The following TAFA1 variants were observed in gnomAD, a reference collection of about 807,000 sequenced individuals.
The protein encoded by TAFA1 is TAFA chemokine like family member 1.
A neutral mutation model predicts 18.5 loss-of-function variants in TAFA1; 4 were observed. The ratio of observed to expected loss-of-function variants is 0.22; its 90% CI spans 0.11 to 0.49. TAFA1 has a LOEUF of 0.49. TAFA1 is among the 20% of genes least tolerant of loss of function. The pLI is 0.98. For synonymous variants in TAFA1, 56 were observed against 55.2 expected, an observed-to-expected ratio of 1.01 and a Z score of -0.06; for missense variants, 147 against 169.0, an observed-to-expected ratio of 0.87 and a Z score of 0.72.
chr3:68,266,770 G>A (rs1004861959), intron 2 of TAFA1, among the ~76,000 whole-genome samples: 3 of 152,128 alleles, frequency 2.0e-5, no homozygotes, highest in African/African-American at 4.8e-5. Flanking sequence ...GGCAGCTCTG[G>A]CTCAGCAGTT....
intron 2 of TAFA1, among the ~76,000 whole-genome samples, chr3:68,232,280 T>A (rs2066881236): frequency 6.6e-6 from 1 of 152,164 alleles, no homozygotes; most frequent in South Asian, 2.1e-4. Flanking sequence ...TATGCTCAAC[T>A]TTTTTAGCTC....
chr3:68,471,478 G>A (rs999571120), intron 3 of TAFA1, among the ~76,000 whole-genome samples: 2 of 152,190 alleles, frequency 1.3e-5, no homozygotes, highest in South Asian at 2.1e-4. Flanking sequence ...AAACCAGAGG[G>A]GTGGAGCTGC....
intron 2 of TAFA1, among the ~76,000 whole-genome samples, chr3:68,340,776 T>C (rs1468813035): frequency 6.6e-6 from 1 of 152,140 alleles, no homozygotes; most frequent in Non-Finnish European, 1.5e-5. Flanking sequence ...GTCTTACATG[T>C]TGGGATGGAT....
intron 2 of TAFA1, among the ~76,000 whole-genome samples, chr3:68,212,838 C>T (rs917948591): frequency 6.6e-6 from 1 of 151,948 alleles, no homozygotes; most frequent in African/African-American, 2.4e-5. Context: ...GCGATCTTTA[C>T]TTGGTGCTGC....
chr3:68,279,901 C>A (rs746518022), intron 2 of TAFA1, among the ~76,000 whole-genome samples: 3 of 152,020 alleles, frequency 2.0e-5, no homozygotes, highest in Non-Finnish European at 4.4e-5. Context: ...CAATTTGTAG[C>A]CTTAATGATA....
At chr3:68,070,948 G>C (rs901565327) in intron 2 of TAFA1, among the ~76,000 whole-genome samples, 30 of 152,190 alleles carry the variant, frequency 2.0e-4, no homozygotes, top group African/African-American at 7.0e-4. Flanking sequence ...CATTCAACAA[G>C]TCTCTAGGGA....
rs570876437 is a variant in TAFA1, at chr3:68,254,386, G to A, written c.119-162894G>A. On this transcript the variant is annotated intron_variant, in intron 2 of 4. Coordinates refer to ENST00000478136, the MANE Select transcript of TAFA1 (RefSeq NM_213609.4). ...GTTAGTGGAAGTATAGTAATTAGAT[G>A]TGCTTTTTCATTAATGTCAGCTAAT... 3.9e-5 allele frequency among the ~76,000 whole-genome samples: 6 copies of A among 152,178 alleles called. 1 individual carries two copies. The South Asian group carries it at 1.2e-3, about 32-fold the overall frequency.
chr3:68,007,857 C>A (rs930636084), intron 2 of TAFA1, among the ~76,000 whole-genome samples: 5 of 152,214 alleles, frequency 3.3e-5, no homozygotes, highest in Non-Finnish European at 5.9e-5. Context: ...TCTGTACAGC[C>A]CTCCAGCAAT....
chr3:68,467,208 G>A (rs1161308812), intron 3 of TAFA1, among the ~76,000 whole-genome samples: 1 of 152,090 alleles, frequency 6.6e-6, no homozygotes, highest in Non-Finnish European at 1.5e-5. Flanking sequence ...CATGCTTTAC[G>A]AACAATTTGT....
chr3:68,346,860 G>A (rs1054795809), intron 2 of TAFA1, among the ~76,000 whole-genome samples: 3 of 152,126 alleles, frequency 2.0e-5, no homozygotes, highest in Admixed American at 1.3e-4. Context: ...AGTATGCTGG[G>A]GTGTATTTTA....
intron 2 of TAFA1, among the ~76,000 whole-genome samples, chr3:68,203,275 T>C (rs899485364): frequency 6.6e-6 from 1 of 151,688 alleles, no homozygotes; most frequent in Non-Finnish European, 1.5e-5. Flanking sequence ...GTGTAGGCAT[T>C]TTTTTCTTTT....
chr3:68,391,816 A>T (rs992066576), intron 2 of TAFA1, among the ~76,000 whole-genome samples: 60 of 152,292 alleles, frequency 3.9e-4, no homozygotes, highest in African/African-American at 1.3e-3. Flanking sequence ...ATGCTGAGGG[A>T]TTTTGTCACC....
intron 2 of TAFA1, among the ~76,000 whole-genome samples, chr3:68,013,760 G>A (rs1704518031): frequency 6.6e-6 from 1 of 152,052 alleles, no homozygotes; most frequent in African/African-American, 2.4e-5. Flanking sequence ...AAAGCACTTA[G>A]GGAACTCTGT....
intron 2 of TAFA1, among the ~76,000 whole-genome samples, chr3:68,109,747 G>A (rs777592354): frequency 3.3e-5 from 5 of 152,026 alleles, no homozygotes; most frequent in Non-Finnish European, 7.4e-5. Flanking sequence ...ACTAAGGAAG[G>A]AACTAATTTG....
intron 2 of TAFA1, among the ~76,000 whole-genome samples, chr3:68,065,087 T>G (rs1208561190): frequency 6.6e-6 from 1 of 152,108 alleles, no homozygotes; most frequent in Non-Finnish European, 1.5e-5. Context: ...TATATTCAGT[T>G]TGTGTCATCT....
intron 2 of TAFA1, among the ~76,000 whole-genome samples, chr3:68,386,398 T>G (rs1167825734): frequency 6.6e-6 from 1 of 152,068 alleles, no homozygotes; most frequent in Non-Finnish European, 1.5e-5. Context: ...ACGAGTTTTT[T>G]TTTGTTTGTT....
chr3:68,285,901 T>C (rs2067992038), intron 2 of TAFA1, among the ~76,000 whole-genome samples: 1 of 152,234 alleles, frequency 6.6e-6, no homozygotes, highest in East Asian at 1.9e-4. Context: ...ATTAGGAGAC[T>C]GAAACATTCA....
intron 2 of TAFA1, among the ~76,000 whole-genome samples, chr3:68,202,658 C>T (rs2066481506): frequency 6.6e-6 from 1 of 151,620 alleles, no homozygotes; most frequent in African/African-American, 2.4e-5. Context: ...TTTATGGGTA[C>T]TGTGAGTAAC....
chr3:68,520,220 C>A (rs1024998257), intron 3 of TAFA1, among the ~76,000 whole-genome samples: 1 of 152,184 alleles, frequency 6.6e-6, no homozygotes, highest in African/African-American at 2.4e-5. Flanking sequence ...GACCTGTCTT[C>A]TCCACAAATT....
Sources: allele counts gnomAD v4.1 joint callset (sites outside exome capture counted in the v4.1 genomes callset), GRCh38; gene constraint gnomAD v4.1.1; transcripts MANE v1.5; gene names NCBI Gene and HGNC (gene_info 2026-07-23, HGNC 2026-07-21).